Variants in DTWD1 observed in about 807,000 individuals in gnomAD.
DTWD1 encodes DTW motif tRNA-uridine aminocarboxypropyltransferase 1.
DTWD1 carries 27 observed loss-of-function variants against 30.2 expected under a neutral mutation model. The observed-to-expected ratio is 0.90, with a 90% CI of 0.66 to 1.23. The LOEUF (loss-of-function observed/expected upper bound fraction) is 1.23. Among genes scored for constraint, DTWD1 ranks in the 50% most tolerant of loss-of-function variants. The pLI is 0.00. For synonymous variants in DTWD1, 99 were observed against 113.1 expected (o/e 0.88, Z 0.79); for missense variants, 342 against 348.8 (o/e 0.98, Z 0.15).
At chr15:49,642,760 A>G (rs1300206538) in intron 4 of DTWD1, among the ~76,000 whole-genome samples, 1 of 151,936 alleles carries the variant, frequency 6.6e-6, no homozygotes, top group Non-Finnish European at 1.5e-5. Flanking sequence ...CTCTAAAAAA[A>G]AATAAAAATA....
Position 49,633,689 on chromosome 15 carries a change from T to C in DTWD1, c.409-847T>C, listed in dbSNP as rs186194381. The C allele has an allele frequency of 2.4e-3, 535 of 222,346 alleles. 3 individuals carry two copies. The highest frequency in any genetic ancestry group is 0.012 in the African/African-American group (507 of 42,232). 13.8% of individuals were successfully genotyped at this position (222,346 alleles called of 1,614,324 possible). A position where few individuals can be genotyped will look rare whatever the true frequency, so the allele number is the denominator to read the frequency against. On this transcript the variant is annotated intron_variant, in intron 3 of 4. Transcript: ENST00000403028. ...TTGTGATTTTGTTTTTATCTTTTTATTTTAAAAATTTGTGTGCTCATTGAA... is the reference window on the plus strand; with the variant it reads ...TTGTGATTTTGTTTTTATCTTTTTACTTTAAAAATTTGTGTGCTCATTGAA...
chr15:49,632,296 C>A lies in DTWD1; in HGVS notation c.402C>A (p.Asp134Glu). 1.3e-6 allele frequency: 2 copies of A among 1,576,764 alleles called. No homozygotes were observed. The highest frequency in any genetic ancestry group is 1.7e-6 in the Non-Finnish European group (2 of 1,171,040). The change falls in exon 3 of 5, where the codon GAC becomes GAA. Residue 134 changes from aspartate to glutamate, a missense_variant. By Grantham distance (45) the Asp-to-Glu change is conservative. Transcript: ENST00000403028. ...GTATTCCAGAATATGAAGAAAAGGA[C>A]CATGAAGTAGGCAACTTAGTTTTTA... The part of the protein sequence containing the change: ...YPCIPEYEEK[D>E]HEVALIFPGP...
intron 2 of DTWD1, among the ~76,000 whole-genome samples, chr15:49,626,479 T>C (rs1174851250): frequency 6.6e-6 from 1 of 152,328 alleles, no homozygotes; most frequent in Admixed American, 6.5e-5. Context: ...TAGAACGTCA[T>C]GTCTACATAA....
At chr15:49,639,496 A>G (rs2079040854) in intron 4 of DTWD1, among the ~76,000 whole-genome samples, 1 of 152,202 alleles carries the variant, frequency 6.6e-6, no homozygotes, top group Non-Finnish European at 1.5e-5. Context: ...CAGGAGTTCA[A>G]GGATGCGGTG....
chr15:49,643,327 A>C lies in DTWD1; in HGVS notation c.668-4A>C. The C allele has an allele frequency of 9.7e-7, 1 of 1,033,204 alleles. No individual in the cohort carries two copies. The highest frequency in any genetic ancestry group is 1.2e-6 in the Non-Finnish European group (1 of 825,942). 64.0% of individuals were successfully genotyped at this position (1,033,204 alleles called of 1,614,324 possible). A position where few individuals can be genotyped will look rare whatever the true frequency, so the allele number is the denominator to read the frequency against. ...CTTTCTTTTTTTTTTTTTTTTTTTG[A>C]CAGGGTTGTTACAAGTTGAGTTGAA... On this transcript the variant is annotated splice_polypyrimidine_tract_variant and splice_region_variant and intron_variant, in intron 4 of 4. Transcript: ENST00000403028.
rs2079094299 is a variant in DTWD1 at position 49,643,704 on chromosome 15, C to CAT, written c.*133_*134dup. 2 of 992,558 alleles carry CAT rather than the reference C, an allele frequency of 2.0e-6. No individual in the cohort carries two copies. Among genetic ancestry groups the CAT allele is most frequent in the Non-Finnish European group, 2.8e-6 (2 of 723,714 alleles). The allele number at this position is 992,558 out of a possible 1,614,324, so 61.5% of individuals were successfully genotyped here. A position where few individuals can be genotyped will look rare whatever the true frequency, so the allele number is the denominator to read the frequency against. On this transcript the variant is annotated 3_prime_UTR_variant, in exon 5 of 5. Coordinates refer to ENST00000403028, the MANE Select transcript of DTWD1 (RefSeq NM_001144955.2). Reference sequence around the variant, plus strand: ...AGACCATTTGAAAAAATTCCAGTTTCATATATATCACTTCATATTTCTTGA... The same window carrying CAT: ...AGACCATTTGAAAAAATTCCAGTTTCATATATATATCACTTCATATTTCTTGA...
rs2079151054 is a variant in DTWD1, at chr15:49,651,343, C to A, written c.*7765C>A. On this transcript the variant is annotated 3_prime_UTR_variant, in exon 5 of 5. Transcript: ENST00000403028. ...CGTGCAGTGCCCACCAGAGAGCATT[C>A]AGTACTGAAGAGTCTCTAAACAATA... 6.6e-6 allele frequency: 1 copy of A among 152,118 alleles called. No individual in the cohort carries two copies. The allele number at this position is 152,118 out of a possible 1,614,324, so 9.4% of individuals were successfully genotyped here.
In DTWD1 at chr15:49,625,322, A is replaced by G. The variant is rs769354029; in HGVS notation, c.155A>G (p.Gln52Arg). The G allele has an allele frequency of 1.9e-6, 3 of 1,613,636 alleles. No individual in the cohort carries two copies. The highest frequency in any genetic ancestry group is 2.2e-5 in the East Asian group (1 of 44,828). Residue 52 changes from glutamine to arginine, a missense_variant, in exon 2 of 5, where the codon CAA becomes CGA. Physicochemically the swap from Gln to Arg is conservative, Grantham distance 43. Coordinates refer to ENST00000403028, the MANE Select transcript of DTWD1 (RefSeq NM_001144955.2). ...CAAGAAGTTCTTCAAAAAGCTCAGCAAAGTGGGAGATCAAAATGTCTCAAA... is the reference window on the plus strand; with the variant it reads ...CAAGAAGTTCTTCAAAAAGCTCAGCGAAGTGGGAGATCAAAATGTCTCAAA... ...ASQEVLQKAQ[Q>R]SGRSKCLKCG...
chr15:49,634,402 A>G (rs1888501174), intron 3 of DTWD1, 134 bp from the exon 4 acceptor site: 1 of 917,842 alleles, frequency 1.1e-6, no homozygotes, highest in Middle Eastern at 2.5e-4. Flanking sequence ...TTAAAGAACC[A>G]TATACAATAG....
chr15:49,635,821 T>G (rs1009337560), intron 4 of DTWD1, among the ~76,000 whole-genome samples: 17 of 152,118 alleles, frequency 1.1e-4, no homozygotes, highest in Admixed American at 1.1e-3. Context: ...AAATAACTTT[T>G]TTGAGTAAGA....
At position 49,651,982 on chromosome 15, in the gene DTWD1, C is replaced by T. The variant is rs530413241; in HGVS notation, c.*8404C>T. 6.6e-6 allele frequency: 1 copy of T among 152,158 alleles called. No individual in the cohort carries two copies. Among genetic ancestry groups the T allele is most frequent in the Admixed American group, 6.5e-5 (1 of 15,274 alleles). 9.4% of individuals were successfully genotyped at this position (152,158 alleles called of 1,614,324 possible). A position where few individuals can be genotyped will look rare whatever the true frequency, so the allele number is the denominator to read the frequency against. On this transcript the variant is annotated 3_prime_UTR_variant, in exon 5 of 5. Coordinates refer to ENST00000403028, the MANE Select transcript of DTWD1 (RefSeq NM_001144955.2). The stretch of plus-strand genomic sequence containing the variant: ...TCTACAAGGATAGGATGCCATACTC[C>T]AAGATACAGAGTATGTACTGGATCA...
chr15:49,626,039 C>T (rs2078839815), intron 2 of DTWD1, among the ~76,000 whole-genome samples: 2 of 151,956 alleles, frequency 1.3e-5, no homozygotes, highest in Admixed American at 1.3e-4. Context: ...CTACAGACCA[C>T]TAAACCTCTT....
intron 1 of DTWD1, among the ~76,000 whole-genome samples, chr15:49,622,281 T>C (rs1391207663): frequency 2.0e-5 from 3 of 152,210 alleles, no homozygotes; most frequent in Non-Finnish European, 4.4e-5. Flanking sequence ...TAAATGCATT[T>C]TTCCATGTCA....
At chr15:49,638,442 T>C (rs1477002525) in intron 4 of DTWD1, among the ~76,000 whole-genome samples, 1 of 152,216 alleles carries the variant, frequency 6.6e-6, no homozygotes, top group Non-Finnish European at 1.5e-5. Flanking sequence ...GTTTTCTGCA[T>C]GACCTACTTC....
chr15:49,634,020 A>C (rs2078967528), intron 3 of DTWD1, among the ~76,000 whole-genome samples: 1 of 152,172 alleles, frequency 6.6e-6, no homozygotes, highest in Admixed American at 6.5e-5. Flanking sequence ...TCGTTGAACC[A>C]AAGGGTATGA....
At position 49,643,446 on chromosome 15, in the gene DTWD1, C is replaced by T. The variant is rs774229052; in HGVS notation, c.783C>T (p.Tyr261=). The T allele has an allele frequency of 6.2e-7, 1 of 1,609,050 alleles. No homozygotes were observed. Among genetic ancestry groups the T allele is most frequent in the Admixed American group, 1.7e-5 (1 of 59,486 alleles). ...IEAIYYFLVD[Y]HTDILKEKYR... ...CCATTTACTACTTTCTGGTAGACTA[C>T]CATACTGATATATTAAAAGAGAAAT... The change falls in exon 5 of 5, where the codon TAC becomes TAT. Residue 261 remains tyrosine, a synonymous_variant. Transcript: ENST00000403028.
intron 4 of DTWD1, among the ~76,000 whole-genome samples, chr15:49,641,671 C>A (rs768677987): frequency 1.3e-5 from 2 of 151,834 alleles, no homozygotes; most frequent in Non-Finnish European, 2.9e-5. Context: ...TCACTTTTTT[C>A]GTGATAGGTT....
In DTWD1 at chr15:49,625,430, A is replaced by T; in HGVS notation, c.263A>T (p.Lys88Met). The T allele has an allele frequency of 3.1e-6, 5 of 1,604,590 alleles. No individual in the cohort carries two copies. In the South Asian group the frequency reaches 3.4e-5, roughly 11 times the overall value. ...CCTATTGAACAGATTCCACTTGTGAAGGTTAGTAAGAAATTTAATTGTTTG... is the reference window on the plus strand; with the variant it reads ...CCTATTGAACAGATTCCACTTGTGATGGTTAGTAAGAAATTTAATTGTTTG... ...NVPIEQIPLV[K>M]LPLKIDIIKH... is the part of the protein sequence containing the mutation. The change falls in exon 2 of 5, where the codon AAG (lysine) becomes ATG (methionine). Residue 88 changes from lysine (K) to methionine (M), a missense_variant and splice_region_variant. Lys to Met is a moderately conservative substitution (Grantham distance 95). Coordinates refer to ENST00000403028, the MANE Select transcript of DTWD1 (RefSeq NM_001144955.2).
chr15:49,622,351 A>G lies in DTWD1; in HGVS notation c.-56+1229A>G, dbSNP rs190329598. 3.1e-3 allele frequency among the ~76,000 whole-genome samples: 471 copies of G among 152,332 alleles called. 2 individuals carry two copies. Among genetic ancestry groups the G allele is most frequent in the African/African-American group, 0.011 (444 of 41,566 alleles). ...TTTAAGACATTGCTGTGGCCCATCT[A>G]TGAGTTAATAAGGAACTGAATTAGA... is the stretch of plus-strand genomic sequence containing the variant. On this transcript the variant is annotated intron_variant, in intron 1 of 4. Coordinates refer to ENST00000403028, the MANE Select transcript of DTWD1 (RefSeq NM_001144955.2).
Sources: allele counts gnomAD v4.1 joint callset (sites outside exome capture counted in the v4.1 genomes callset), GRCh38; gene constraint gnomAD v4.1.1; transcripts MANE v1.5; gene names NCBI Gene and HGNC (gene_info 2026-07-23, HGNC 2026-07-21).